TSPO: variants seen among roughly 807,000 people sequenced by gnomAD.
TSPO encodes benzodiazepine peripheral binding site.
A neutral mutation model predicts 13.9 loss-of-function variants in TSPO; 14 were observed. The ratio of observed to expected loss-of-function variants is 1.01; its 90% CI spans 0.67 to 1.58. TSPO has a LOEUF of 1.58. Among genes scored for constraint, TSPO ranks in the 40% most tolerant of loss-of-function variants. The probability of loss-of-function intolerance (pLI) is 0.00; values close to 1 mark genes in which losing one functional copy is unlikely to be tolerated. For synonymous variants in TSPO, 114 were observed against 105.9 expected, an observed-to-expected ratio of 1.08 and a Z score of -0.47; for missense variants, 232 against 229.6, an observed-to-expected ratio of 1.01 and a Z score of -0.07.
At position 43,153,476 on chromosome 22, in the gene TSPO, C is replaced by T. The variant is rs1399779828; in HGVS notation, c.-30+1872C>T. Among the ~76,000 whole-genome samples, 6 of 82,272 alleles carry T rather than the reference C, an allele frequency of 7.3e-5. 2 individuals are homozygous for T. Among genetic ancestry groups the T allele is most frequent in the African/African-American group, 1.1e-4 (3 of 26,626 alleles). The allele number at this position is 82,272 out of a possible 152,430, so 54.0% of individuals were successfully genotyped here. On this transcript the variant is annotated intron_variant, in intron 1 of 3. Coordinates refer to ENST00000337554, the MANE Select transcript of TSPO (RefSeq NM_000714.6). Reference sequence around the variant, plus strand: ...ACGCCATTCTCCTGCCTCAGCCTCCCGAGTAGCTGGGACTACAGGCGCCTG... The same window carrying T: ...ACGCCATTCTCCTGCCTCAGCCTCCTGAGTAGCTGGGACTACAGGCGCCTG...
At chr22:43,152,059 C>T (rs918213136) in intron 1 of TSPO, 8 of 152,326 alleles carry the variant, frequency 5.3e-5, no homozygotes, top group African/African-American at 1.9e-4. Context: ...CAGTCCAGAT[C>T]GGGGAAGTTT....
At chr22:43,158,766 G>A (rs1027139920) in intron 1 of TSPO, among the ~76,000 whole-genome samples, 2 of 152,248 alleles carry the variant, frequency 1.3e-5, no homozygotes. Flanking sequence ...AGGCAGTGAG[G>A]AAGGGGATTA....
chr22:43,156,228 G>C (rs996596714), intron 1 of TSPO, among the ~76,000 whole-genome samples: 1 of 152,210 alleles, frequency 6.6e-6, no homozygotes, highest in Non-Finnish European at 1.5e-5. Context: ...CCATGCCTCT[G>C]TGACTTTTAT....
intron 1 of TSPO, among the ~76,000 whole-genome samples, chr22:43,158,482 T>C (rs549523738): frequency 1.9e-4 from 29 of 152,144 alleles, no homozygotes; most frequent in Non-Finnish European, 4.0e-4. Flanking sequence ...CCCTTTGTTT[T>C]TGGATGAGGT....
chr22:43,154,503 C>T (rs1275655280), intron 1 of TSPO, among the ~76,000 whole-genome samples: 4 of 151,758 alleles, frequency 2.6e-5, no homozygotes, highest in African/African-American at 9.7e-5. Context: ...GGATTACAGA[C>T]GTGCGCCACC....
At chr22:43,155,976 C>T (rs964824311) in intron 1 of TSPO, among the ~76,000 whole-genome samples, 4 of 152,224 alleles carry the variant, frequency 2.6e-5, no homozygotes, top group Non-Finnish European at 5.9e-5. Context: ...CCCATTTGGG[C>T]AATTCAGGAG....
At position 43,163,155 on chromosome 22, in the gene TSPO, G is replaced by C. The variant is rs1387611269; in HGVS notation, c.*164G>C. ...TGGCCCCACCTGAGCCCCCACCCGGGAGCAGTGTCCTGTGCTTTCTGCATG... is the reference window on the plus strand; with the variant it reads ...TGGCCCCACCTGAGCCCCCACCCGGCAGCAGTGTCCTGTGCTTTCTGCATG... On this transcript the variant is annotated 3_prime_UTR_variant, in exon 4 of 4. Transcript: ENST00000337554. The C allele has an allele frequency of 4.1e-6, 6 of 1,460,480 alleles. No homozygotes were observed. Among genetic ancestry groups the C allele is most frequent in the Non-Finnish European group, 5.4e-6 (6 of 1,109,344 alleles). The allele number at this position is 1,460,480 out of a possible 1,614,324, so 90.5% of individuals were successfully genotyped here. A position where few individuals can be genotyped will look rare whatever the true frequency, so the allele number is the denominator to read the frequency against.
intron 2 of TSPO, 145 bp from the exon 3 acceptor site, chr22:43,160,907 A>T: frequency 1.1e-6 from 1 of 909,930 alleles, no homozygotes; most frequent in Non-Finnish European, 1.6e-6. Context: ...TGAAAAATGA[A>T]GGCCCAGACA....
chr22:43,161,057 GCTC>G lies in TSPO; in HGVS notation c.191_193del (p.Ser64del). The G allele has an allele frequency of 1.9e-6, 3 of 1,613,384 alleles. No homozygotes were observed. Among genetic ancestry groups the G allele is most frequent in the Non-Finnish European group, 2.5e-6 (3 of 1,179,658 alleles). ...AACTGCGGCCTCTGTTTCAGGTACG[GCTC>G]CTACCTGGTCTGGAAAGAGCTGGGA... On this transcript the variant is annotated inframe_deletion, in exon 3 of 4. Transcript: ENST00000337554.
chr22:43,157,586 T>C (rs1181130497), intron 1 of TSPO, among the ~76,000 whole-genome samples: 1 of 151,940 alleles, frequency 6.6e-6, no homozygotes, highest in Non-Finnish European at 1.5e-5. Context: ...TCCCAGCACT[T>C]TGGGAGGCTG....
At position 43,159,248 on chromosome 22, in the gene TSPO, C is replaced by G. The variant is rs1228276014; in HGVS notation, c.10C>G (p.Pro4Ala). Residue 4 changes from proline to alanine, a missense_variant, in exon 2 of 4, where the codon CCC (proline) becomes GCC (alanine). Physicochemically the swap from Pro to Ala is conservative, Grantham distance 27. Transcript: ENST00000337554. MAP[P>A]WVPAMGFTLA... ...AGCAGCTGCAGCAGCCATGGCCCCG[C>G]CCTGGGTGCCCGCCATGGGCTTCAC... 6.4e-7 allele frequency: 1 copy of G among 1,555,080 alleles called. No individual in the cohort carries two copies. Among genetic ancestry groups the G allele is most frequent in the Non-Finnish European group, 8.7e-7 (1 of 1,150,324 alleles).
At chr22:43,159,092 C>G in intron 1 of TSPO, 118 bp from the exon 2 acceptor site, 1 of 800,006 alleles carries the variant, frequency 1.2e-6, no homozygotes, top group Non-Finnish European at 1.8e-6. Flanking sequence ...CTCTGCGCCT[C>G]CTGATCAGCT....
At chr22:43,162,662 T>C in intron 3 of TSPO, 141 bp from the exon 4 acceptor site, 4 of 808,412 alleles carry the variant, frequency 4.9e-6, no homozygotes, top group Non-Finnish European at 7.7e-6. Context: ...GGGGAGGGGC[T>C]TGGCCAGGTC....
At chr22:43,160,986 C>G in intron 2 of TSPO, 66 bp from the exon 3 acceptor site, 3 of 1,551,842 alleles carry the variant, frequency 1.9e-6, no homozygotes, top group Non-Finnish European at 1.7e-6. Flanking sequence ...CACTGTGCCA[C>G]TCGGAGGTGG....
chr22:43,153,684 C>T (rs1333609700), intron 1 of TSPO, among the ~76,000 whole-genome samples: 1 of 150,936 alleles, frequency 6.6e-6, no homozygotes, highest in Non-Finnish European at 1.5e-5. Flanking sequence ...ATGGTGCAAA[C>T]AATGCTTGGA....
chr22:43,158,431 T>C (rs770273145), intron 1 of TSPO, among the ~76,000 whole-genome samples: 26 of 152,138 alleles, frequency 1.7e-4, no homozygotes, highest in Non-Finnish European at 3.5e-4. Context: ...AGCAGACGAC[T>C]CCTGATTCTC....
intron 2 of TSPO, among the ~76,000 whole-genome samples, chr22:43,160,310 G>A (rs138915): frequency 0.69 from 105,124 of 152,074 alleles, 37,383 homozygotes; most frequent in East Asian, 0.97. Context: ...TGGATAAGGC[G>A]AACCCCTCAT....
chr22:43,151,968 C>A (rs1258340673), intron 1 of TSPO: 1 of 152,272 alleles, frequency 6.6e-6, no homozygotes, highest in Non-Finnish European at 1.5e-5. Flanking sequence ...CAATCCCAGG[C>A]GGAACTCCCT....
chr22:43,159,869 G>A (rs1256569365), intron 2 of TSPO, among the ~76,000 whole-genome samples: 1 of 152,150 alleles, frequency 6.6e-6, no homozygotes, highest in East Asian at 1.9e-4. Flanking sequence ...ACCCCCCACA[G>A]CCCCTTCAGG....
Sources: gnomAD v4.1 joint callset for allele counts (sites outside exome capture counted in the v4.1 genomes callset) on GRCh38, gnomAD v4.1.1 for gene constraint, MANE v1.5 for transcripts, NCBI Gene and HGNC (gene_info 2026-07-23, HGNC 2026-07-21) for gene names.